APP: variants seen among roughly 807,000 people sequenced by gnomAD.
APP encodes the protein amyloid beta precursor protein.
In APP, 31 loss-of-function variants were observed where a neutral mutation model predicts 101.4. The ratio of observed to expected loss-of-function variants is 0.31; its 90% CI spans 0.23 to 0.41. The LOEUF (loss-of-function observed/expected upper bound fraction) is 0.41, where lower values mean the gene tolerates loss of function less well. APP is among the 10% of genes least tolerant of loss of function. The pLI, the probability that APP is intolerant of heterozygous loss-of-function variation, is 1.00. For missense variants in APP, 839 were observed against 1,003.7 expected (o/e 0.84, Z 2.22); for synonymous variants, 366 against 364.4 (o/e 1.00, Z -0.05).
intron 9 of APP, among the ~76,000 whole-genome samples, chr21:25,979,013 T>G (rs2042326075): frequency 6.6e-6 from 1 of 152,176 alleles, no homozygotes; most frequent in African/African-American, 2.4e-5. Flanking sequence ...GGACTTCATT[T>G]TAAGCATATA....
chr21:26,166,927 G>GGTGTGTGTGTGTGTGT (rs10600074), intron 1 of APP, among the ~76,000 whole-genome samples: 1 of 148,534 alleles, frequency 6.7e-6, no homozygotes, highest in African/African-American at 2.5e-5. Flanking sequence ...AGAGACAGAG[G>GGTGTGTGTGTGTGTGT]GTGTGTGTGT....
intron 2 of APP, among the ~76,000 whole-genome samples, chr21:26,091,025 C>T (rs1294964282): frequency 6.6e-6 from 1 of 152,176 alleles, no homozygotes; most frequent in Non-Finnish European, 1.5e-5. Flanking sequence ...TATCAAACCA[C>T]TTCTATTTAT....
chr21:25,955,814 T>A, intron 11 of APP, 59 bp from the exon 12 acceptor site: 1 of 1,612,252 alleles, frequency 6.2e-7, no homozygotes, highest in Admixed American at 1.7e-5. Flanking sequence ...GCTTCTTCCA[T>A]TGGCGATGGG....
rs117303979 is a variant in APP at position 25,988,929 on chromosome 21, G to A, written c.1091-6452C>T. ...CATTTCAATTTTAATACTGATACAC[G>A]CATGCTTGTCACAATACTGCCACTT... is the stretch of plus-strand genomic sequence containing the variant. On this transcript the variant is annotated intron_variant, in intron 8 of 17. Coordinates refer to ENST00000346798, the MANE Select transcript of APP (RefSeq NM_000484.4). Among the ~76,000 whole-genome samples the A allele has an allele frequency of 5.2e-3, 797 of 152,104 alleles. 4 individuals carry two copies. Among genetic ancestry groups the A allele is most frequent in the Non-Finnish European group, 8.2e-3 (558 of 68,000 alleles).
At position 25,927,665 on chromosome 21, in the gene APP, TC is replaced by T. The variant is rs1192575599; in HGVS notation, c.1688-15704del. ...ACATGTTTAAATGAAGCATGCTTTG[TC>T]CCCTTATGGTAACAAACTGCCCTGG... On this transcript the variant is annotated intron_variant, in intron 13 of 17. Transcript: ENST00000346798. 5.1e-5 allele frequency among the ~76,000 whole-genome samples: 4 copies of T among 78,818 alleles called. No homozygotes were observed. In the East Asian group the frequency reaches 1.6e-3, roughly 31 times the overall value. The allele number at this position is 78,818 out of a possible 152,430, so 51.7% of individuals were successfully genotyped here. A position where few individuals can be genotyped will look rare whatever the true frequency, so the allele number is the denominator to read the frequency against.
chr21:25,932,467 C>T (rs548596142), intron 13 of APP, among the ~76,000 whole-genome samples: 14 of 152,052 alleles, frequency 9.2e-5, no homozygotes, highest in Non-Finnish European at 1.3e-4. Context: ...CCTGTTTTCC[C>T]GCCTGGGGTA....
At chr21:25,904,838 G>T (rs916089018) in intron 15 of APP, among the ~76,000 whole-genome samples, 186 bp downstream of exon 15, 1 of 152,106 alleles carries the variant, frequency 6.6e-6, no homozygotes, top group African/African-American at 2.4e-5. Flanking sequence ...ATTTCACTCG[G>T]AACTTGGGAA....
chr21:25,951,635 T>C (rs191147103), intron 13 of APP, among the ~76,000 whole-genome samples: 18 of 152,268 alleles, frequency 1.2e-4, no homozygotes, highest in African/African-American at 4.3e-4. Flanking sequence ...CTCAGACTAA[T>C]GACAAAGCAT....
chr21:26,149,805 G>A (rs1042570243), intron 1 of APP, among the ~76,000 whole-genome samples: 36 of 152,140 alleles, frequency 2.4e-4, no homozygotes, highest in Admixed American at 1.6e-3. Context: ...ATAAATGATT[G>A]ATCAATGGGA....
intron 6 of APP, among the ~76,000 whole-genome samples, chr21:26,020,373 T>C (rs1036411463): frequency 6.6e-6 from 1 of 152,192 alleles, no homozygotes; most frequent in Non-Finnish European, 1.5e-5. Flanking sequence ...GTTGCACAGC[T>C]TGGCAAATTT....
chr21:25,889,713 C>T (rs1003519987), intron 17 of APP, among the ~76,000 whole-genome samples: 16 of 151,950 alleles, frequency 1.1e-4, no homozygotes, highest in Non-Finnish European at 2.2e-4. Flanking sequence ...TGGTGGTATG[C>T]CCCTGTAATC....
intron 13 of APP, among the ~76,000 whole-genome samples, chr21:25,930,937 G>A (rs2040119957): frequency 6.6e-6 from 1 of 152,218 alleles, no homozygotes; most frequent in African/African-American, 2.4e-5. Context: ...TCTGTCTTCA[G>A]GAGAGCATTC....
chr21:25,996,243 TC>T (rs2043050417), intron 8 of APP, among the ~76,000 whole-genome samples: 1 of 152,216 alleles, frequency 6.6e-6, no homozygotes, highest in African/African-American at 2.4e-5. Flanking sequence ...TTTCTCTACT[TC>T]CTAGTCAAAA....
intron 3 of APP, among the ~76,000 whole-genome samples, chr21:26,059,662 G>A (rs374150680): frequency 1.3e-5 from 2 of 152,060 alleles, no homozygotes; most frequent in African/African-American, 2.4e-5. Context: ...AGGCCGAGAC[G>A]GGTGGATCAC....
chr21:25,894,895 C>CA (rs1363235147), intron 16 of APP, among the ~76,000 whole-genome samples: 1 of 152,136 alleles, frequency 6.6e-6, no homozygotes, highest in East Asian at 1.9e-4. Flanking sequence ...AAGGAAGAGT[C>CA]AATCGATGCA....
intron 11 of APP, among the ~76,000 whole-genome samples, chr21:25,962,457 AGATACAATTT>A (rs1212333218): frequency 9.2e-5 from 14 of 152,354 alleles, no homozygotes; most frequent in African/African-American, 3.1e-4. Flanking sequence ...ACTTGCAGCT[AGATACAATTT>A]CAGAAATAGG....
intron 1 of APP, among the ~76,000 whole-genome samples, chr21:26,165,342 A>G (rs1453729779): frequency 6.6e-6 from 1 of 152,256 alleles, no homozygotes; most frequent in Non-Finnish European, 1.5e-5. Flanking sequence ...TGTTTCAAGC[A>G]TTTAACAAAG....
intron 6 of APP, among the ~76,000 whole-genome samples, chr21:26,010,991 A>T (rs1006283248): frequency 6.6e-6 from 1 of 151,704 alleles, no homozygotes; most frequent in Non-Finnish European, 1.5e-5. Flanking sequence ...GTGTCACTGC[A>T]CTCCAGCCTG....
chr21:25,908,684 G>T, intron 14 of APP, among the ~76,000 whole-genome samples: 1 of 67,036 alleles, frequency 1.5e-5, no homozygotes. Context: ...ATAAGATCCT[G>T]GCTCCATTAA....
Sources: allele counts gnomAD v4.1 joint callset (sites outside exome capture counted in the v4.1 genomes callset), GRCh38; gene constraint gnomAD v4.1.1; transcripts MANE v1.5; gene names NCBI Gene and HGNC (gene_info 2026-07-23, HGNC 2026-07-21).